SVEP1: variants seen among roughly 807,000 people sequenced by gnomAD.
The protein encoded by SVEP1 is sushi, von Willebrand factor type A, EGF and pentraxin domain-containing protein 1.
SVEP1 carries 164 observed loss-of-function variants against 367.3 expected under a neutral mutation model. The ratio of observed to expected loss-of-function variants is 0.45; its 90% CI spans 0.39 to 0.51. The LOEUF is 0.51. Among genes scored for constraint, SVEP1 ranks in the 20% least tolerant of loss-of-function variants. The probability of loss-of-function intolerance (pLI) is 0.00; values close to 1 mark genes in which losing one functional copy is unlikely to be tolerated. For missense variants in SVEP1, 4,117 were observed against 4,425.3 expected (o/e 0.93, Z 1.98); for synonymous variants, 1,666 against 1,611.6 (o/e 1.03, Z -0.81).
chr9:110,560,992 A>G (rs1456464283), intron 1 of SVEP1, among the ~76,000 whole-genome samples: 4 of 152,108 alleles, frequency 2.6e-5, no homozygotes, highest in Non-Finnish European at 5.9e-5. Context: ...TTTTCCCTCC[A>G]TCTACAAAAT....
intron 3 of SVEP1, among the ~76,000 whole-genome samples, chr9:110,545,620 A>C (rs1306752567): frequency 6.6e-6 from 1 of 152,178 alleles, no homozygotes; most frequent in Non-Finnish European, 1.5e-5. Flanking sequence ...ACTGGCTTCA[A>C]TCTCATAGAG....
intron 7 of SVEP1, among the ~76,000 whole-genome samples, chr9:110,497,421 C>A (rs1588081511): frequency 1.3e-5 from 2 of 152,172 alleles, no homozygotes; most frequent in South Asian, 4.1e-4. Context: ...TAAAACTCAA[C>A]AAGCTATTTT....
At chr9:110,427,543 C>T in intron 36 of SVEP1, 48 bp downstream of exon 36, 1 of 1,577,316 alleles carries the variant, frequency 6.3e-7, no homozygotes, top group Non-Finnish European at 8.6e-7. Context: ...TCAGGAGCAT[C>T]CACTTCCTTG....
At chr9:110,415,700 C>T (rs1828110377) in intron 36 of SVEP1, among the ~76,000 whole-genome samples, 1 of 151,950 alleles carries the variant, frequency 6.6e-6, no homozygotes, top group South Asian at 2.1e-4. Flanking sequence ...CTACAACAGT[C>T]TGAAAACCCT....
intron 1 of SVEP1, among the ~76,000 whole-genome samples, chr9:110,572,535 C>T (rs546972571): frequency 1.4e-4 from 22 of 151,986 alleles, no homozygotes; most frequent in South Asian, 2.1e-4. Context: ...AATTTGAATT[C>T]GACATTTAAG....
intron 40 of SVEP1, among the ~76,000 whole-genome samples, chr9:110,390,265 A>ATATATACGTATATATACACATACT (rs1564127440): frequency 5.9e-5 from 5 of 84,430 alleles, no homozygotes; most frequent in African/African-American, 2.6e-4. Context: ...ATAAGTATGT[A>ATATATACGTATATATACACATACT]TATATATACT....
Position 110,387,240 on chromosome 9 carries a change from G to T in SVEP1, c.10060+45C>A, listed in dbSNP as rs559268210. The T allele has an allele frequency of 3.0e-4, 458 of 1,516,662 alleles. 6 individuals are homozygous for T. The South Asian group carries it at 5.8e-3, about 19-fold the overall frequency. 94.0% of individuals were successfully genotyped at this position (1,516,662 alleles called of 1,614,324 possible). On this transcript the variant is annotated intron_variant, in intron 42 of 47. Transcript: ENST00000374469. Reference sequence around the variant, plus strand: ...GTTTTGGATATGCGGGAAGCTAATCGTGAAACTGAATCTGATTAAAATTTC... The same window carrying T: ...GTTTTGGATATGCGGGAAGCTAATCTTGAAACTGAATCTGATTAAAATTTC...
intron 40 of SVEP1, among the ~76,000 whole-genome samples, chr9:110,397,746 C>T (rs1006966927): frequency 6.6e-6 from 1 of 152,052 alleles, no homozygotes; most frequent in Non-Finnish European, 1.5e-5. Context: ...TTCACAATTG[C>T]TTCAAAGGGA....
chr9:110,435,531 C>A (rs4379517), intron 28 of SVEP1, among the ~76,000 whole-genome samples, 167 bp from the exon 29 acceptor site: 4,861 of 152,228 alleles, frequency 0.032, 77 homozygotes, highest in Middle Eastern at 0.058. Context: ...CTGTTTCCCT[C>A]TCTCCCAGCT....
At chr9:110,404,216 G>C (rs1827916799) in intron 39 of SVEP1, 111 bp downstream of exon 39, 1 of 1,056,120 alleles carries the variant, frequency 9.5e-7, no homozygotes, top group African/African-American at 1.6e-5. Context: ...TTTGAAATGA[G>C]TGAAAACTTC....
intron 1 of SVEP1, among the ~76,000 whole-genome samples, chr9:110,556,780 C>T (rs896360961): frequency 1.3e-5 from 2 of 152,142 alleles, no homozygotes; most frequent in Non-Finnish European, 2.9e-5. Flanking sequence ...TGAGCCACCA[C>T]ACTTGGCCAT....
intron 1 of SVEP1, among the ~76,000 whole-genome samples, chr9:110,562,471 A>C (rs1349032774): frequency 1.3e-5 from 2 of 152,204 alleles, no homozygotes; most frequent in Non-Finnish European, 2.9e-5. Context: ...GCTAATGTCA[A>C]GAGGTCAAAG....
chr9:110,516,728 A>G (rs566900385), intron 3 of SVEP1, among the ~76,000 whole-genome samples: 54 of 152,316 alleles, frequency 3.5e-4, no homozygotes, highest in Non-Finnish European at 5.4e-4. Context: ...TCATTGGGCC[A>G]GTAAAAAGAA....
chr9:110,549,925 G>T lies in SVEP1; in HGVS notation c.711C>A (p.Thr237=), dbSNP rs1336180584. Residue 237 remains threonine, a synonymous_variant, in exon 2 of 48, where the codon ACC becomes ACA. Coordinates refer to ENST00000374469, the MANE Select transcript of SVEP1 (RefSeq NM_153366.4). ...NIRELNDMAS[T]PKEEHCYLLH... ...GCAGGTAACAGTGCTCCTCCTTTGG[G>T]GTGGAAGCCATGTCATTCAGCTCTC... 2 of 1,613,808 alleles carry T rather than the reference G, an allele frequency of 1.2e-6. No homozygotes were observed. Among genetic ancestry groups the T allele is most frequent in the East Asian group, 2.2e-5 (1 of 44,890 alleles).
chr9:110,408,999 A>AT (rs756302360), intron 37 of SVEP1, 48 bp from the exon 38 acceptor site: 27 of 1,512,040 alleles, frequency 1.8e-5, no homozygotes, highest in Non-Finnish European at 2.3e-5. Context: ...ATAACAGATG[A>AT]TAGCATTAAC....
In SVEP1 at chr9:110,553,678, AGTC is replaced by A. The variant is rs564154540; in HGVS notation, c.532-3577_532-3575del. Among the ~76,000 whole-genome samples, 341 of 152,318 alleles carry A rather than the reference AGTC, an allele frequency of 2.2e-3. 2 individuals are homozygous for A. The highest frequency in any genetic ancestry group is 7.9e-3 in the African/African-American group (328 of 41,562). ...CAAGGATGGCTTCAAACAGAAGCCC[AGTC>A]TTCTCCCTAACTGTAACTTCCTTGA... On this transcript the variant is annotated intron_variant, in intron 1 of 47. Coordinates refer to ENST00000374469, the MANE Select transcript of SVEP1 (RefSeq NM_153366.4).
At chr9:110,375,487 A>AAAAG in intron 45 of SVEP1, 24 bp from the exon 46 acceptor site, 1 of 1,408,900 alleles carries the variant, frequency 7.1e-7, no homozygotes, top group Non-Finnish European at 9.7e-7. Context: ...AAAAAAAAAA[A>AAAAG]AAAGGAGGCA....
At position 110,445,758 on chromosome 9, in the gene SVEP1, A is replaced by G. The variant is rs1828583712; in HGVS notation, c.4463+79T>C. The G allele has an allele frequency of 4.0e-6, 6 of 1,516,408 alleles. No individual in the cohort carries two copies. In the South Asian group the frequency reaches 5.9e-5, roughly 15 times the overall value. 93.9% of individuals were successfully genotyped at this position (1,516,408 alleles called of 1,614,324 possible). On this transcript the variant is annotated intron_variant, in intron 26 of 47. Coordinates refer to ENST00000374469, the MANE Select transcript of SVEP1 (RefSeq NM_153366.4). ...GGAACACCTGACCCTCTACTTTCCC[A>G]TTTCCCATCCTCAATGTCAGTTCTA...
Position 110,406,210 on chromosome 9 carries a change from A to T in SVEP1, c.9390T>A (p.Asn3130Lys). ...TGTGTGCCTCTCCAGTTGCCACTGC[A>T]TTGGCGACAGACGGTGGGGACCCAC... is the stretch of plus-strand genomic sequence containing the variant. Reference protein sequence around the residue: ...LSCGSPPSVANAVATGEAHTY... With the variant: ...LSCGSPPSVAKAVATGEAHTY... Residue 3130 changes from asparagine to lysine, a missense_variant, in exon 38 of 48, where the codon AAT (asparagine) becomes AAA (lysine). By Grantham distance (94) the Asn-to-Lys change is moderately conservative. Transcript: ENST00000374469. 1 of 1,608,452 alleles carries T rather than the reference A, an allele frequency of 6.2e-7. No individual in the cohort carries two copies. Among genetic ancestry groups the T allele is most frequent in the Non-Finnish European group, 8.5e-7 (1 of 1,176,752 alleles).
Sources: allele counts gnomAD v4.1 joint callset (sites outside exome capture counted in the v4.1 genomes callset), GRCh38; gene constraint gnomAD v4.1.1; transcripts MANE v1.5; gene names NCBI Gene and HGNC (gene_info 2026-07-23, HGNC 2026-07-21).